Variants in CACNA2D2 observed in about 807,000 individuals in gnomAD.
The protein encoded by CACNA2D2 is voltage-dependent calcium channel subunit alpha-2/delta-2.
Under a neutral mutation model 166.4 loss-of-function variants are expected in CACNA2D2, and 48 were observed. That is an observed-to-expected ratio of 0.29 (90% CI 0.23 to 0.37). The LOEUF (loss-of-function observed/expected upper bound fraction) is 0.37. Ranked by LOEUF, CACNA2D2 falls within the 10% of genes least tolerant of loss-of-function variation. The pLI, the probability that CACNA2D2 is intolerant of heterozygous loss-of-function variation, is 1.00. For synonymous variants in CACNA2D2, 561 were observed against 573.7 expected (o/e 0.98, Z 0.32); for missense variants, 1,122 against 1,433.0 (o/e 0.78, Z 3.50).
intron 3 of CACNA2D2, among the ~76,000 whole-genome samples, chr3:50,409,604 G>A (rs1392327036): frequency 6.6e-6 from 1 of 152,244 alleles, no homozygotes; most frequent in Admixed American, 6.5e-5. Flanking sequence ...TGCAAAGCAG[G>A]TCTCATTTCT....
At chr3:50,387,680 C>A in intron 4 of CACNA2D2, 68 bp from the exon 5 acceptor site, 1 of 1,228,976 alleles carries the variant, frequency 8.1e-7, no homozygotes, top group Non-Finnish European at 1.2e-6. Flanking sequence ...CTCCTAGCCC[C>A]AAGGCCTGCA....
chr3:50,377,628 C>A lies in CACNA2D2; in HGVS notation c.1552-87G>T, dbSNP rs1705059169. ...CAAGGCCTCAAGCTGCTCTCACAGG[C>A]AGTGTGCAGGCCTGCCCTGCCCCTC... is the stretch of plus-strand genomic sequence containing the variant. On this transcript the variant is annotated intron_variant, in intron 16 of 37. Transcript: ENST00000424201. 3.2e-6 allele frequency: 5 copies of A among 1,563,438 alleles called. No homozygotes were observed. In the African/African-American group the frequency reaches 4.1e-5, roughly 13 times the overall value.
In CACNA2D2 at chr3:50,364,652, G is replaced by A. The variant is rs1166628778; in HGVS notation, c.*14C>T. The A allele has an allele frequency of 1.3e-6, 2 of 1,505,130 alleles. No homozygotes were observed. Among genetic ancestry groups the A allele is most frequent in the Non-Finnish European group, 1.8e-6 (2 of 1,125,206 alleles). 93.2% of individuals were successfully genotyped at this position (1,505,130 alleles called of 1,614,324 possible). A position where few individuals can be genotyped will look rare whatever the true frequency, so the allele number is the denominator to read the frequency against. ...CGGGTGAGGTGGGAGTGGAGGTGGG[G>A]TGGGGCAGGGTGCTCAGAGGCGGCG... On this transcript the variant is annotated 3_prime_UTR_variant, in exon 38 of 38. Transcript: ENST00000424201.
intron 1 of CACNA2D2, among the ~76,000 whole-genome samples, chr3:50,501,303 A>C (rs1698952699): frequency 6.6e-6 from 1 of 152,148 alleles, no homozygotes; most frequent in African/African-American, 2.4e-5. Context: ...GCTGAAGGGC[A>C]CTGGCTGTCA....
chr3:50,461,282 AG>A (rs1186681311), intron 2 of CACNA2D2, among the ~76,000 whole-genome samples: 1 of 152,256 alleles, frequency 6.6e-6, no homozygotes, highest in Non-Finnish European at 1.5e-5. Flanking sequence ...AGAAGCTGGA[AG>A]GAATGGAGTG....
chr3:50,470,782 G>T (rs4688719), intron 2 of CACNA2D2, among the ~76,000 whole-genome samples: 8 of 151,688 alleles, frequency 5.3e-5, no homozygotes, highest in South Asian at 2.1e-4. Flanking sequence ...GGCCGGGTTG[G>T]GGGGGACACA....
At chr3:50,474,082 G>A (rs1413574428) in intron 2 of CACNA2D2, among the ~76,000 whole-genome samples, 3 of 152,202 alleles carry the variant, frequency 2.0e-5, no homozygotes, top group South Asian at 4.1e-4. Flanking sequence ...GGGAAGTGGA[G>A]CCACAGCCGG....
Position 50,378,070 on chromosome 3 carries a change from T to C in CACNA2D2, c.1417A>G (p.Met473Val), listed in dbSNP as rs1705081241. 6.2e-7 allele frequency: 1 copy of C among 1,613,638 alleles called. No homozygotes were observed. The highest frequency in any genetic ancestry group is 1.1e-5 in the South Asian group (1 of 91,090). Residue 473 changes from methionine to valine, a missense_variant, in exon 15 of 38, where the codon ATG becomes GTG. Physicochemically the swap from Met to Val is conservative, Grantham distance 21. Coordinates refer to ENST00000424201, the MANE Select transcript of CACNA2D2 (RefSeq NM_006030.4). Reference protein sequence around the residue: ...QEYLDVLGRPMVLAGKEAKQV... With the variant: ...QEYLDVLGRPVVLAGKEAKQV... The stretch of plus-strand genomic sequence containing the variant: ...TTGGCCTCCTTGCCTGCCAGCACCA[T>C]GGGCCTGCCCAACACATCTAGATAT...
chr3:50,488,849 A>G (rs549707284), intron 1 of CACNA2D2, among the ~76,000 whole-genome samples: 10 of 151,876 alleles, frequency 6.6e-5, no homozygotes, highest in South Asian at 2.1e-4. Context: ...ACGGGCGCCC[A>G]CCACCACACC....
At position 50,379,198 on chromosome 3, in the gene CACNA2D2, G is replaced by A; in HGVS notation, c.1154C>T (p.Ser385Phe). The A allele has an allele frequency of 1.2e-6, 2 of 1,612,530 alleles. No homozygotes were observed. Among genetic ancestry groups the A allele is most frequent in the Non-Finnish European group, 1.7e-6 (2 of 1,178,688 alleles). Residue 385 changes from serine to phenylalanine, a missense_variant and splice_region_variant, in exon 12 of 38, where the codon TCC becomes TTC. Transcript: ENST00000424201. The surrounding 1 kb of genome is among the most constrained non-coding windows in gnomAD (Gnocchi z 6.5). ...FEYAFDQLQN[S>F]NITRANCNKM... Reference sequence around the variant, plus strand: ...GTTGCAGTTGGCCCGAGTGATGTTGGACTGAGGGGAGTGAGGCGGAGGCAG... The same window carrying A: ...GTTGCAGTTGGCCCGAGTGATGTTGAACTGAGGGGAGTGAGGCGGAGGCAG...
chr3:50,500,027 G>C (rs925061596), intron 1 of CACNA2D2, among the ~76,000 whole-genome samples: 106 of 152,324 alleles, frequency 7.0e-4, no homozygotes, highest in Non-Finnish European at 8.8e-5. Context: ...GGGGGACCCA[G>C]ATGAGTGATG....
intron 6 of CACNA2D2, 96 bp from the exon 7 acceptor site, chr3:50,381,222 C>T (rs1705298065): frequency 7.0e-7 from 1 of 1,431,188 alleles, no homozygotes; most frequent in Admixed American, 1.7e-5. Flanking sequence ...CATTTAGAAT[C>T]CCCCAACTGT....
At chr3:50,461,352 T>C (rs1473775626) in intron 2 of CACNA2D2, among the ~76,000 whole-genome samples, 1 of 152,120 alleles carries the variant, frequency 6.6e-6, no homozygotes, top group Non-Finnish European at 1.5e-5. Context: ...CCACCTGAAA[T>C]CTCTGTTGAG....
In CACNA2D2 at chr3:50,380,005, C is replaced by A. The variant is rs763892503; in HGVS notation, c.856G>T (p.Ala286Ser). 6.2e-7 allele frequency: 1 copy of A among 1,614,072 alleles called. No homozygotes were observed. The highest frequency in any genetic ancestry group is 2.2e-5 in the East Asian group (1 of 44,890). Reference sequence around the variant, plus strand: ...ATGACCATGTCTTTGGGTGACGAGGCCCCCTGGATATACCTGCCCAGGAGA... The same window carrying A: ...ATGACCATGTCTTTGGGTGACGAGGACCCCTGGATATACCTGCCCAGGAGA... ...VRRRPWYIQG[A>S]SSPKDMVIIV... Residue 286 changes from alanine to serine, a missense_variant, in exon 9 of 38, where the codon GCC (alanine) becomes TCC (serine). By Grantham distance (99) the Ala-to-Ser change is moderately conservative. Coordinates refer to ENST00000424201, the MANE Select transcript of CACNA2D2 (RefSeq NM_006030.4). The surrounding 1 kb of genome is among the most constrained non-coding windows in gnomAD (Gnocchi z 4.9).
Position 50,367,976 on chromosome 3 carries a change from A to T in CACNA2D2, c.2144-74T>A. On this transcript the variant is annotated intron_variant, in intron 24 of 37. Coordinates refer to ENST00000424201, the MANE Select transcript of CACNA2D2 (RefSeq NM_006030.4). The surrounding 1 kb of genome is among the most constrained non-coding windows in gnomAD (Gnocchi z 6.5). ...CTTGCCCACCCTCACCCCCACCCTT[A>T]AGGCTCCACCAGGAGCCTCCTCCAT... is the stretch of plus-strand genomic sequence containing the variant. 1 of 1,233,784 alleles carries T rather than the reference A, an allele frequency of 8.1e-7. No homozygotes were observed. Among genetic ancestry groups the T allele is most frequent in the East Asian group, 2.4e-5 (1 of 41,420 alleles). 76.4% of individuals were successfully genotyped at this position (1,233,784 alleles called of 1,614,324 possible).
intron 2 of CACNA2D2, among the ~76,000 whole-genome samples, chr3:50,463,799 G>T (rs1227770474): frequency 6.6e-6 from 1 of 152,248 alleles, no homozygotes. Context: ...GTCCCAGGGG[G>T]AGAACGAAGG....
chr3:50,391,866 C>G (rs1176994226), intron 4 of CACNA2D2, among the ~76,000 whole-genome samples: 2 of 152,226 alleles, frequency 1.3e-5, no homozygotes, highest in Non-Finnish European at 2.9e-5. Context: ...GGGCGCCATC[C>G]TCCCCATCTC....
Position 50,389,995 on chromosome 3 carries a change from G to A in CACNA2D2, c.466-2383C>T, listed in dbSNP as rs772085149. ...TGTGGTGTGGAGCTGGGGGTGTGGC[G>A]GGAGGGGGCTGTCAGGGTCAGGGTG... On this transcript the variant is annotated intron_variant, in intron 4 of 37. Transcript: ENST00000424201. 1.9e-4 allele frequency among the ~76,000 whole-genome samples: 29 copies of A among 151,936 alleles called. 1 individual carries two copies. Among genetic ancestry groups the A allele is most frequent in the Non-Finnish European group, 5.9e-5 (4 of 67,930 alleles).
At chr3:50,486,324 C>A (rs1426510693) in intron 1 of CACNA2D2, among the ~76,000 whole-genome samples, 2 of 152,206 alleles carry the variant, frequency 1.3e-5, no homozygotes, top group Non-Finnish European at 2.9e-5. Context: ...GCAGGACAGA[C>A]CCTGTCCATG....
Sources: gnomAD v4.1 joint callset for allele counts (sites outside exome capture counted in the v4.1 genomes callset) on GRCh38, gnomAD v4.1.1 for gene constraint, Gnocchi (gnomAD v3.1) non-coding constraint, MANE v1.5 for transcripts, NCBI Gene and HGNC (gene_info 2026-07-23, HGNC 2026-07-21) for gene names.